The following ADARB2 variants were observed in gnomAD, a reference collection of about 807,000 sequenced individuals.
ADARB2 encodes inactive double-stranded RNA-specific editase B2.
ADARB2 carries 25 observed loss-of-function variants against 62.2 expected under a neutral mutation model. The ratio of observed to expected loss-of-function variants is 0.40; its 90% CI spans 0.29 to 0.56. The LOEUF is 0.56. ADARB2 is among the 20% of genes least tolerant of loss of function. The pLI is 0.43. For missense variants in ADARB2, 1,071 were observed against 1,077.4 expected, an observed-to-expected ratio of 0.99 and a Z score of 0.08; for synonymous variants, 572 against 500.8, an observed-to-expected ratio of 1.14 and a Z score of -1.90.
intron 1 of ADARB2, among the ~76,000 whole-genome samples, chr10:1,384,421 C>G (rs958846396): frequency 6.6e-6 from 1 of 152,172 alleles, no homozygotes; most frequent in South Asian, 2.1e-4. Flanking sequence ...TGATCTTGAG[C>G]CCACATCACA....
At chr10:1,590,472 C>T (rs1364392198) in intron 1 of ADARB2, among the ~76,000 whole-genome samples, 1 of 152,088 alleles carries the variant, frequency 6.6e-6, no homozygotes, top group Non-Finnish European at 1.5e-5. Flanking sequence ...GTGGAAAACA[C>T]ATAAAAATAA....
At chr10:1,687,029 CTT>C (rs397952487) in intron 1 of ADARB2, among the ~76,000 whole-genome samples, 7 of 128,980 alleles carry the variant, frequency 5.4e-5, no homozygotes, top group Admixed American at 8.0e-5. Context: ...ATGACATTGC[CTT>C]TTTTTTTTTT....
intron 1 of ADARB2, among the ~76,000 whole-genome samples, chr10:1,634,162 G>C (rs911026173): frequency 1.2e-4 from 18 of 152,264 alleles, no homozygotes; most frequent in Middle Eastern, 6.8e-3. Context: ...GGACCCTGGG[G>C]CCACACCCGC....
chr10:1,183,468 C>T (rs1836708869), intron 9 of ADARB2, 99 bp from the exon 10 acceptor site: 1 of 1,429,038 alleles, frequency 7.0e-7, no homozygotes, highest in Non-Finnish European at 9.5e-7. Flanking sequence ...TGGCCTTGGC[C>T]TTCTGCCTTT....
chr10:1,376,988 T>G (rs116931597), intron 2 of ADARB2, among the ~76,000 whole-genome samples: 2 of 121,534 alleles, frequency 1.6e-5, no homozygotes, highest in South Asian at 3.1e-4. Flanking sequence ...TGTGTGTGTG[T>G]GGTGCGTCCC....
At chr10:1,509,598 C>T (rs187219333) in intron 1 of ADARB2, among the ~76,000 whole-genome samples, 28 of 152,294 alleles carry the variant, frequency 1.8e-4, no homozygotes, top group Non-Finnish European at 3.7e-4. Context: ...ATAGGCTTGA[C>T]TATTTGTCTT....
At chr10:1,594,942 G>T (rs911776504) in intron 1 of ADARB2, among the ~76,000 whole-genome samples, 1 of 152,144 alleles carries the variant, frequency 6.6e-6, no homozygotes, top group Admixed American at 6.5e-5. Context: ...AGCGCCCACT[G>T]CCTCCCCCAT....
chr10:1,671,948 A>G (rs1269867474), intron 1 of ADARB2, among the ~76,000 whole-genome samples: 3 of 152,056 alleles, frequency 2.0e-5, no homozygotes, highest in Non-Finnish European at 4.4e-5. Context: ...TTTCGGCAAC[A>G]TACTTGCTCT....
chr10:1,688,380 G>C (rs551000861), intron 1 of ADARB2, among the ~76,000 whole-genome samples: 2 of 152,290 alleles, frequency 1.3e-5, no homozygotes, highest in African/African-American at 2.4e-5. Flanking sequence ...TCCCTGACCC[G>C]GTTCATGTGG....
chr10:1,559,617 C>T (rs867402041), intron 1 of ADARB2, among the ~76,000 whole-genome samples: 2 of 152,180 alleles, frequency 1.3e-5, no homozygotes, highest in East Asian at 1.9e-4. Context: ...GAGCCTGGGC[C>T]GGTGGGGGGT....
chr10:1,187,660 T>G (rs1589146039), intron 8 of ADARB2, among the ~76,000 whole-genome samples: 1 of 152,162 alleles, frequency 6.6e-6, no homozygotes, highest in South Asian at 2.1e-4. Flanking sequence ...CTCCCAACGC[T>G]CCTGGCTGCC....
rs766260805 is a variant in ADARB2 at position 1,177,624 on chromosome 10, GAT to G, written c.*5567_*5568del. ...TTTACCGATGCATAAACTGCAGAGA[GAT>G]AGAAATCTAGGGCCTGTGTGAAAAG... is the stretch of plus-strand genomic sequence containing the variant. On this transcript the variant is annotated 3_prime_UTR_variant, in exon 10 of 10. Coordinates refer to ENST00000381312, the MANE Select transcript of ADARB2 (RefSeq NM_018702.4). 5.9e-5 allele frequency: 9 copies of G among 152,054 alleles called. No homozygotes were observed. The highest frequency in any genetic ancestry group is 3.3e-4 in the Admixed American group (5 of 15,272). The allele number at this position is 152,054 out of a possible 1,614,324, so 9.4% of individuals were successfully genotyped here. A position where few individuals can be genotyped will look rare whatever the true frequency, so the allele number is the denominator to read the frequency against.
intron 1 of ADARB2, among the ~76,000 whole-genome samples, chr10:1,545,502 C>G (rs988039240): frequency 6.6e-6 from 1 of 152,120 alleles, no homozygotes. Flanking sequence ...AGTGAGCTCC[C>G]GCGGGCAGTG....
intron 1 of ADARB2, among the ~76,000 whole-genome samples, chr10:1,510,081 TTC>T (rs775372060): frequency 0.01 from 1,557 of 149,184 alleles, 28 homozygotes; most frequent in Middle Eastern, 0.027. Context: ...TTCTTTCTCT[TTC>T]TCTCTCTCTC....
intron 4 of ADARB2, among the ~76,000 whole-genome samples, chr10:1,264,003 C>G (rs1216835198): frequency 6.6e-6 from 1 of 152,186 alleles, no homozygotes; most frequent in Admixed American, 6.5e-5. Flanking sequence ...TTAAACCTAA[C>G]AGTTTAAACC....
chr10:1,538,254 T>C (rs748937348), intron 1 of ADARB2, among the ~76,000 whole-genome samples: 1 of 151,814 alleles, frequency 6.6e-6, no homozygotes, highest in Non-Finnish European at 1.5e-5. Flanking sequence ...GCTGCAGGGG[T>C]CGCAGACCTC....
chr10:1,513,270 A>C (rs1831962117), intron 1 of ADARB2, among the ~76,000 whole-genome samples: 1 of 152,242 alleles, frequency 6.6e-6, no homozygotes, highest in African/African-American at 2.4e-5. Context: ...AGCTGCCAGA[A>C]ACCCATAGCC....
chr10:1,418,554 G>T (rs1832825180), intron 1 of ADARB2, among the ~76,000 whole-genome samples: 1 of 152,198 alleles, frequency 6.6e-6, no homozygotes, highest in Non-Finnish European at 1.5e-5. Flanking sequence ...GAATGGCATT[G>T]ACAAGGGGAA....
chr10:1,462,451 C>A (rs577564704), intron 1 of ADARB2, among the ~76,000 whole-genome samples: 1 of 152,382 alleles, frequency 6.6e-6, no homozygotes, highest in African/African-American at 2.4e-5. Context: ...ATGATGGTGA[C>A]TTTCAGAATG....
Sources: gnomAD v4.1 joint callset for allele counts (sites outside exome capture counted in the v4.1 genomes callset) on GRCh38, gnomAD v4.1.1 for gene constraint, MANE v1.5 for transcripts, NCBI Gene and HGNC (gene_info 2026-07-23, HGNC 2026-07-21) for gene names.